STK33: variants seen among roughly 807,000 people sequenced by gnomAD.
STK33 encodes serine/threonine-protein kinase 33.
Under a neutral mutation model 58.0 loss-of-function variants are expected in STK33, and 52 were observed. The ratio of observed to expected loss-of-function variants is 0.90; its 90% CI spans 0.72 to 1.13. The LOEUF (loss-of-function observed/expected upper bound fraction) is 1.13, where lower values mean the gene tolerates loss of function less well. Ranked by LOEUF, STK33 falls within the 50% of genes most tolerant of loss-of-function variation. The pLI, the probability that STK33 is intolerant of heterozygous loss-of-function variation, is 0.00. For missense variants in STK33, 630 were observed against 604.2 expected, an observed-to-expected ratio of 1.04 and a Z score of -0.45; for synonymous variants, 215 against 200.1, an observed-to-expected ratio of 1.07 and a Z score of -0.63.
intron 1 of STK33, among the ~76,000 whole-genome samples, chr11:8,567,095 G>A (rs1429030097): frequency 4.6e-5 from 7 of 152,066 alleles, no homozygotes; most frequent in African/African-American, 1.7e-4. Context: ...ATCCAAGATC[G>A]AGCCATTGCA....
At chr11:8,376,828 C>G in the STK33 span, among the ~76,000 whole-genome samples, 2 of 152,148 alleles carry the variant, frequency 1.3e-5, no homozygotes, top group African/African-American at 4.8e-5. Flanking sequence ...GCATGAGCCA[C>G]CATGCCCGGC....
At chr11:8,442,684 C>A (rs1477765743) in intron 11 of STK33, among the ~76,000 whole-genome samples, 1 of 152,162 alleles carries the variant, frequency 6.6e-6, no homozygotes, top group South Asian at 2.1e-4. Flanking sequence ...GGGATATGAA[C>A]AGAATCTAAA....
At chr11:8,523,888 G>T (rs1452430923) in intron 1 of STK33, among the ~76,000 whole-genome samples, 1 of 152,256 alleles carries the variant, frequency 6.6e-6, no homozygotes, top group Non-Finnish European at 1.5e-5. Context: ...AGGGGGAAAT[G>T]TGGGAAAAAG....
chr11:8,385,996 G>C, the STK33 span, among the ~76,000 whole-genome samples: 108 of 143,486 alleles, frequency 7.5e-4, 3 homozygotes, highest in South Asian at 0.023. Flanking sequence ...GGATGGTCTC[G>C]ATCTCTGACC....
intron 1 of STK33, among the ~76,000 whole-genome samples, chr11:8,491,212 T>C (rs1178301290): frequency 1.3e-5 from 2 of 152,130 alleles, no homozygotes; most frequent in African/African-American, 4.8e-5. Context: ...ATTAGACGAA[T>C]AGCTAACTAG....
At chr11:8,446,743 G>A (rs902175972) in intron 11 of STK33, among the ~76,000 whole-genome samples, 2 of 152,138 alleles carry the variant, frequency 1.3e-5, no homozygotes, top group Non-Finnish European at 2.9e-5. Context: ...AATAAACGAT[G>A]TTGGGAAAAC....
At chr11:8,571,362 A>G (rs1284858591) in intron 1 of STK33, among the ~76,000 whole-genome samples, 1 of 152,236 alleles carries the variant, frequency 6.6e-6, no homozygotes, top group African/African-American at 2.4e-5. Flanking sequence ...AGAATAAGCA[A>G]ATTCATAGAG....
At chr11:8,468,801 A>T (rs1357702474) in intron 6 of STK33, among the ~76,000 whole-genome samples, 2 of 152,242 alleles carry the variant, frequency 1.3e-5, no homozygotes, top group Non-Finnish European at 2.9e-5. Context: ...AACTGTATAC[A>T]GAGATACCTC....
rs565611462 is a variant in STK33, at chr11:8,449,043, C to T, written c.871+3779G>A. 2.9e-4 allele frequency among the ~76,000 whole-genome samples: 44 copies of T among 151,864 alleles called. 3 individuals are homozygous for T. Among genetic ancestry groups the T allele is most frequent in the African/African-American group, 1.0e-3 (43 of 41,106 alleles). ...AGACACGTGAAAAAATGCTCATCAT[C>T]ACTGGCCATCAGAGAAATGCAAATC... On this transcript the variant is annotated intron_variant, in intron 11 of 15. Transcript: ENST00000687296.
At chr11:8,396,683 C>A (rs766537982) in intron 15 of STK33, among the ~76,000 whole-genome samples, 2 of 152,156 alleles carry the variant, frequency 1.3e-5, no homozygotes, top group African/African-American at 4.8e-5. Context: ...ACCCGGGAAG[C>A]GCAAGGGGTC....
At chr11:8,390,549 T>C (rs1349293966), downstream of STK33, among the ~76,000 whole-genome samples, 2 of 152,156 alleles carry the variant, frequency 1.3e-5, no homozygotes, top group Admixed American at 1.3e-4. Flanking sequence ...CACAACGAAG[T>C]AACAAAAATA....
intron 15 of STK33, among the ~76,000 whole-genome samples, chr11:8,405,005 T>C (rs1938845693): frequency 1.3e-5 from 2 of 152,122 alleles, no homozygotes; most frequent in African/African-American, 4.8e-5. Context: ...CTGGGTGTGG[T>C]GGCACACCTG....
intron 1 of STK33, among the ~76,000 whole-genome samples, chr11:8,526,347 G>A (rs576083915): frequency 2.6e-5 from 4 of 151,520 alleles, no homozygotes; most frequent in South Asian, 2.1e-4. Context: ...AGCCGAGATC[G>A]CACCACTGTA....
At chr11:8,458,844 C>T (rs1947186591) in intron 8 of STK33, among the ~76,000 whole-genome samples, 1 of 152,080 alleles carries the variant, frequency 6.6e-6, no homozygotes, top group Non-Finnish European at 1.5e-5. Flanking sequence ...TGATTTTGTT[C>T]TTATAAGCAC....
intron 14 of STK33, among the ~76,000 whole-genome samples, chr11:8,424,008 T>G (rs1942331722): frequency 6.6e-6 from 1 of 152,050 alleles, no homozygotes. Context: ...TTTATTATAC[T>G]TTAAGTTTTA....
rs529968231 is a variant in STK33, at chr11:8,448,812, A to G, written c.871+4010T>C. Among the ~76,000 whole-genome samples, 253 of 152,340 alleles carry G rather than the reference A, an allele frequency of 1.7e-3. 1 individual carries two copies. Among genetic ancestry groups the G allele is most frequent in the African/African-American group, 5.9e-3 (247 of 41,570 alleles). ...CCTAATTAAACAAAAGAGCTTCTGC[A>G]CAGCAAAAGAAACTACCATCAGAGT... On this transcript the variant is annotated intron_variant, in intron 11 of 15. Coordinates refer to ENST00000687296, the MANE Select transcript of STK33 (RefSeq NM_001352389.2).
At chr11:8,479,764 AC>A (rs1949637530) in intron 2 of STK33, among the ~76,000 whole-genome samples, 1 of 152,032 alleles carries the variant, frequency 6.6e-6, no homozygotes, top group African/African-American at 2.4e-5. Flanking sequence ...AATCGTTTGA[AC>A]CCAGGAGGCA....
At chr11:8,385,084 C>G in the STK33 span, among the ~76,000 whole-genome samples, 2 of 152,184 alleles carry the variant, frequency 1.3e-5, no homozygotes, top group Non-Finnish European at 2.9e-5. Context: ...GCCTCCTCAC[C>G]CATTCTTCTT....
At chr11:8,566,719 T>C (rs1391539903) in intron 1 of STK33, among the ~76,000 whole-genome samples, 1 of 152,212 alleles carries the variant, frequency 6.6e-6, no homozygotes, top group Non-Finnish European at 1.5e-5. Context: ...ACAGCATACT[T>C]CTTTAATTTA....
Sources: allele counts gnomAD v4.1 joint callset (sites outside exome capture counted in the v4.1 genomes callset), GRCh38; gene constraint gnomAD v4.1.1; transcripts MANE v1.5; gene names NCBI Gene and HGNC (gene_info 2026-07-23, HGNC 2026-07-21).